Variants in PEAK1 observed in about 807,000 individuals in gnomAD.
The protein encoded by PEAK1 is pseudopodium enriched atypical kinase 1.
A neutral mutation model predicts 124.7 loss-of-function variants in PEAK1; 54 were observed. That is an observed-to-expected ratio of 0.43 (90% CI 0.35 to 0.54). PEAK1 has a LOEUF of 0.54. PEAK1 is among the 20% of genes least tolerant of loss of function. The probability of loss-of-function intolerance (pLI) is 0.01; values close to 1 mark genes in which losing one functional copy is unlikely to be tolerated. For synonymous variants in PEAK1, 719 were observed against 760.0 expected, an observed-to-expected ratio of 0.95 and a Z score of 0.89; for missense variants, 2,046 against 2,134.5, an observed-to-expected ratio of 0.96 and a Z score of 0.82.
chr15:77,116,562 A>T (rs1409228093), intron 9 of PEAK1, among the ~76,000 whole-genome samples: 2 of 146,874 alleles, frequency 1.4e-5, no homozygotes, highest in African/African-American at 4.9e-5. Context: ...AAATAGATTA[A>T]AAAAAAAAAA....
At chr15:77,211,338 A>G (rs936462580) in intron 6 of PEAK1, among the ~76,000 whole-genome samples, 3 of 152,196 alleles carry the variant, frequency 2.0e-5, no homozygotes, top group African/African-American at 4.8e-5. Context: ...TATTAAGTTT[A>G]CACAAATAAA....
chr15:77,154,834 A>G (rs985887701), intron 8 of PEAK1, among the ~76,000 whole-genome samples: 24 of 152,066 alleles, frequency 1.6e-4, no homozygotes, highest in Non-Finnish European at 3.1e-4. Context: ...TCTGGCTTGT[A>G]GAGTTTCTGC....
intron 6 of PEAK1, among the ~76,000 whole-genome samples, chr15:77,226,197 C>CA (rs2059668469): frequency 1.4e-5 from 2 of 143,694 alleles, no homozygotes; most frequent in African/African-American, 5.1e-5. Flanking sequence ...TTTTGCATTA[C>CA]ATTATCAGTT....
intron 9 of PEAK1, among the ~76,000 whole-genome samples, chr15:77,130,311 A>G (rs918633844): frequency 6.6e-6 from 1 of 152,268 alleles, no homozygotes; most frequent in Non-Finnish European, 1.5e-5. Context: ...CTCAATTTAT[A>G]TAACAGCTCT....
chr15:77,410,866 T>A (rs1234539310), intron 1 of PEAK1, among the ~76,000 whole-genome samples: 1 of 152,196 alleles, frequency 6.6e-6, no homozygotes, highest in African/African-American at 2.4e-5. Context: ...GATACACCTG[T>A]TATTTTTCTT....
chr15:77,357,445 G>T (rs1311055130), intron 2 of PEAK1, among the ~76,000 whole-genome samples: 1 of 152,074 alleles, frequency 6.6e-6, no homozygotes, highest in East Asian at 1.9e-4. Flanking sequence ...GCTAATTTTT[G>T]TATTTTTAAT....
At chr15:77,294,007 T>C (rs141620247) in intron 2 of PEAK1, among the ~76,000 whole-genome samples, 6 of 152,320 alleles carry the variant, frequency 3.9e-5, no homozygotes, top group African/African-American at 1.4e-4. Context: ...TTGCTTTAGA[T>C]ATAAGCATTA....
At chr15:77,346,924 G>A (rs1422196585) in intron 2 of PEAK1, 7 of 307,642 alleles carry the variant, frequency 2.3e-5, no homozygotes, top group Non-Finnish European at 3.3e-5. Flanking sequence ...GGTACTAAGA[G>A]GAAAACAAAA....
intron 1 of PEAK1, among the ~76,000 whole-genome samples, chr15:77,400,903 T>C (rs1597611582): frequency 6.6e-6 from 1 of 152,148 alleles, no homozygotes; most frequent in East Asian, 1.9e-4. Flanking sequence ...TATCACTTGC[T>C]CAATTTAAAA....
chr15:77,124,188 G>A (rs2052170530), intron 9 of PEAK1, among the ~76,000 whole-genome samples: 1 of 152,336 alleles, frequency 6.6e-6, no homozygotes, highest in Non-Finnish European at 1.5e-5. Flanking sequence ...TGGCCTGTAG[G>A]GCCCTGCCTT....
At chr15:77,138,167 T>C (rs979847115) in intron 8 of PEAK1, among the ~76,000 whole-genome samples, 1 of 151,990 alleles carries the variant, frequency 6.6e-6, no homozygotes, top group African/African-American at 2.4e-5. Flanking sequence ...GGATATGACT[T>C]TATCAGCAGC....
chr15:77,419,569 G>A lies in PEAK1; in HGVS notation c.-666+437C>T, dbSNP rs546499840. The A allele has an allele frequency of 2.3e-3, 2,265 of 985,208 alleles. 37 individuals are homozygous for A. The African/African-American group carries it at 0.036, about 16-fold the overall frequency. 61.0% of individuals were successfully genotyped at this position (985,208 alleles called of 1,614,324 possible). On this transcript the variant is annotated intron_variant, in intron 1 of 9. Coordinates refer to ENST00000682557, the MANE Select transcript of PEAK1 (RefSeq NM_001385026.1). ...CCGGGTGCGGGAGCGGGCTGACCGTGTGGACCCGGCAGGAGCCAGAGAAGC... is the reference window on the plus strand; with the variant it reads ...CCGGGTGCGGGAGCGGGCTGACCGTATGGACCCGGCAGGAGCCAGAGAAGC...
rs932697952 is a variant in PEAK1, at chr15:77,112,781, C to G, written c.*1375G>C. On this transcript the variant is annotated 3_prime_UTR_variant, in exon 10 of 10. Coordinates refer to ENST00000682557, the MANE Select transcript of PEAK1 (RefSeq NM_001385026.1). ...AGAAGGGGGAGGGTTTCTGTAGACT[C>G]GCTTCAGGTGAAGTTGCAACATAAA... is the stretch of plus-strand genomic sequence containing the variant. The G allele has an allele frequency of 6.6e-6, 1 of 152,154 alleles. No individual in the cohort carries two copies. The highest frequency in any genetic ancestry group is 2.4e-5 in the African/African-American group (1 of 41,406). The allele number at this position is 152,154 out of a possible 1,614,324, so 9.4% of individuals were successfully genotyped here. A position where few individuals can be genotyped will look rare whatever the true frequency, so the allele number is the denominator to read the frequency against.
chr15:77,158,799 T>G, intron 7 of PEAK1, 103 bp from the exon 8 acceptor site: 4 of 1,077,218 alleles, frequency 3.7e-6, no homozygotes, highest in Non-Finnish European at 5.4e-6. Flanking sequence ...TAACTGGTCC[T>G]ATAGTCACAA....
At chr15:77,312,714 T>C (rs1296687588) in intron 2 of PEAK1, among the ~76,000 whole-genome samples, 3 of 152,238 alleles carry the variant, frequency 2.0e-5, no homozygotes, top group African/African-American at 7.2e-5. Flanking sequence ...AGGCATCAGT[T>C]CCATATTCCT....
intron 5 of PEAK1, among the ~76,000 whole-genome samples, chr15:77,275,591 C>T (rs2062271804): frequency 6.6e-6 from 1 of 151,936 alleles, no homozygotes; most frequent in African/African-American, 2.4e-5. Context: ...TGGTGCGTGC[C>T]TGTAATCCCA....
intron 9 of PEAK1, among the ~76,000 whole-genome samples, chr15:77,121,631 T>C (rs369775441): frequency 7.9e-5 from 12 of 152,272 alleles, no homozygotes; most frequent in African/African-American, 2.9e-4. Context: ...TTCAATTTTC[T>C]CTCCTTTGCC....
chr15:77,375,207 A>G (rs2068917481), intron 1 of PEAK1, among the ~76,000 whole-genome samples: 1 of 152,206 alleles, frequency 6.6e-6, no homozygotes, highest in Non-Finnish European at 1.5e-5. Flanking sequence ...TGCTTTACCT[A>G]AATTGTTAAT....
Position 77,348,074 on chromosome 15 carries a change from G to T in PEAK1, c.-603+17089C>A, listed in dbSNP as rs181837074. 24 of 984,552 alleles carry T rather than the reference G, an allele frequency of 2.4e-5. No homozygotes were observed. In the African/African-American group the frequency reaches 4.2e-4, roughly 17 times the overall value. The allele number at this position is 984,552 out of a possible 1,614,324, so 61.0% of individuals were successfully genotyped here. A position where few individuals can be genotyped will look rare whatever the true frequency, so the allele number is the denominator to read the frequency against. On this transcript the variant is annotated intron_variant, in intron 2 of 9. Transcript: ENST00000682557. ...ATGCACTTTTCTACAAAAACATTTT[G>T]GTCAGACATTATTCATCTAGAGAAA...
Sources: gnomAD v4.1 joint callset for allele counts (sites outside exome capture counted in the v4.1 genomes callset) on GRCh38, gnomAD v4.1.1 for gene constraint, MANE v1.5 for transcripts, NCBI Gene and HGNC (gene_info 2026-07-23, HGNC 2026-07-21) for gene names.